The following PRR12 variants were observed in gnomAD, a reference collection of about 807,000 sequenced individuals.
PRR12 encodes proline-rich protein 12.
Under a neutral mutation model 138.0 loss-of-function variants are expected in PRR12, and 12 were observed. That is an observed-to-expected ratio of 0.09 (90% confidence interval 0.06 to 0.14). PRR12 has a LOEUF of 0.14. PRR12 is among the 10% of genes least tolerant of loss of function. The pLI, the probability that PRR12 is intolerant of heterozygous loss-of-function variation, is 1.00. For missense variants in PRR12, 2,692 were observed against 2,861.3 expected (o/e 0.94, Z 1.35); for synonymous variants, 1,567 against 1,291.7 (o/e 1.21, Z -4.57).
chr19:49,625,420 C>T lies in PRR12; in HGVS notation c.5965-41C>T, dbSNP rs199950782. 353 of 1,550,182 alleles carry T rather than the reference C, an allele frequency of 2.3e-4. No homozygotes were observed. Among genetic ancestry groups the T allele is most frequent in the Non-Finnish European group, 2.7e-4 (306 of 1,151,666 alleles). ...CCCAGCCCCTTCCCTCCCCAGAGGC[C>T]GGTGTGCCACCCTCCCCAGTGCCAT... is the stretch of plus-strand genomic sequence containing the variant. On this transcript the variant is annotated intron_variant, in intron 13 of 13. Transcript: ENST00000418929. The surrounding 1 kb of genome is among the most constrained non-coding windows in gnomAD (Gnocchi z 5.5).
chr19:49,604,877 G>C (rs896314748), intron 6 of PRR12, among the ~76,000 whole-genome samples: 3 of 152,026 alleles, frequency 2.0e-5, no homozygotes, highest in Non-Finnish European at 4.4e-5. Context: ...TTCTGAGACA[G>C]GGTCTCCCTT....
chr19:49,624,767 A>G (rs2080945818), intron 11 of PRR12, 77 bp from the exon 12 acceptor site: 1 of 1,552,504 alleles, frequency 6.4e-7, no homozygotes, highest in African/African-American at 1.4e-5. Context: ...ACTGAGGCAC[A>G]GATCTGAGAC....
Position 49,599,409 on chromosome 19 carries a change from G to A in PRR12, c.3816G>A (p.Glu1272=), listed in dbSNP as rs924464920. 15 of 1,611,226 alleles carry A rather than the reference G, an allele frequency of 9.3e-6. No homozygotes were observed. Among genetic ancestry groups the A allele is most frequent in the African/African-American group, 2.7e-5 (2 of 74,896 alleles). The part of the protein sequence containing the change: ...KIEAKIKEVE[E]KQPEMKSGFM... ...AGGCCAAGATTAAGGAGGTGGAGGA[G>A]AAGCAGCCGGAGATGAAGTCGGGTT... Residue 1272 remains glutamate (E), a synonymous_variant, in exon 5 of 14, where the codon GAG becomes GAA. Transcript: ENST00000418929. The surrounding 1 kb of genome is among the most constrained non-coding windows in gnomAD (Gnocchi z 5.0).
At chr19:49,611,695 G>A (rs1164925257) in intron 6 of PRR12, among the ~76,000 whole-genome samples, 2 of 149,574 alleles carry the variant, frequency 1.3e-5, no homozygotes, top group Non-Finnish European at 3.0e-5. Context: ...AGGCAGAGGC[G>A]GGCGGATCAT....
Position 49,596,000 on chromosome 19 carries a change from C to A in PRR12, c.1665C>A (p.Gly555=). The A allele has an allele frequency of 6.2e-7, 1 of 1,600,884 alleles. No individual in the cohort carries two copies. Among genetic ancestry groups the A allele is most frequent in the Non-Finnish European group, 8.5e-7 (1 of 1,179,684 alleles). Residue 555 remains glycine, a synonymous_variant, in exon 4 of 14, where the codon GGC becomes GGA. Transcript: ENST00000418929. ...GGGWGPSSLG[G]GGEASPSHII... ...GCTGGGGACCCAGCTCCCTGGGAGGCGGCGGTGAGGCCAGCCCATCTCACA... is the reference window on the plus strand; with the variant it reads ...GCTGGGGACCCAGCTCCCTGGGAGGAGGCGGTGAGGCCAGCCCATCTCACA...
At chr19:49,619,956 A>C (rs1482996300) in intron 9 of PRR12, among the ~76,000 whole-genome samples, 1 of 145,688 alleles carries the variant, frequency 6.9e-6, no homozygotes, top group African/African-American at 2.6e-5. Flanking sequence ...CCTGGGTTCA[A>C]GCCGTCCTAC....
Position 49,601,563 on chromosome 19 carries a change from C to A in PRR12, c.4418C>A (p.Pro1473Gln). ...PAPTPQPQPPPPPPPPQPALP... is the reference protein window; with the variant it reads ...PAPTPQPQPPQPPPPPQPALP... ...CCGACTCCTCAGCCTCAGCCTCCGC[C>A]ACCCCCTCCGCCGCCACAGCCAGCC... The change falls in exon 6 of 14, where the codon CCA (proline) becomes CAA (glutamine). Residue 1473 changes from proline to glutamine, a missense_variant. This residue lies in a region of PRR12 where 231 missense variants were observed against 200.8 expected (regional missense o/e 1.15). Coordinates refer to ENST00000418929, the MANE Select transcript of PRR12 (RefSeq NM_020719.3). 1.3e-6 allele frequency: 2 copies of A among 1,540,808 alleles called. No individual in the cohort carries two copies. The highest frequency in any genetic ancestry group is 1.9e-4 in the Middle Eastern group (1 of 5,354).
At position 49,594,863 on chromosome 19, in the gene PRR12, C is replaced by G. The variant is rs775776064; in HGVS notation, c.528C>G (p.Ser176Arg). The G allele has an allele frequency of 6.2e-7, 1 of 1,611,412 alleles. No individual in the cohort carries two copies. Among genetic ancestry groups the G allele is most frequent in the Non-Finnish European group, 8.5e-7 (1 of 1,179,162 alleles). The change falls in exon 4 of 14, where the codon AGC (serine) becomes AGG (arginine). Residue 176 changes from serine (S) to arginine (R), a missense_variant. Physicochemically the swap from Ser to Arg is moderately radical, Grantham distance 110 (BLOSUM62 -1). Coordinates refer to ENST00000418929, the MANE Select transcript of PRR12 (RefSeq NM_020719.3). The surrounding 1 kb of genome is among the most constrained non-coding windows in gnomAD (Gnocchi z 5.6). ...TCAGCCTCCAGGACCCCCCATTCAG[C>G]CCTCCAGCTAACGGGCTCCTGTCCC... ...SSLSLQDPPF[S>R]PPANGLLSPH...
At position 49,591,540 on chromosome 19, in the gene PRR12, A is replaced by G; in HGVS notation, c.-115A>G. The G allele has an allele frequency of 2.2e-6, 1 of 456,282 alleles. No homozygotes were observed. The highest frequency in any genetic ancestry group is 3.5e-5 in the South Asian group (1 of 28,438). 28.3% of individuals were successfully genotyped at this position (456,282 alleles called of 1,614,324 possible). A position where few individuals can be genotyped will look rare whatever the true frequency, so the allele number is the denominator to read the frequency against. On this transcript the variant is annotated 5_prime_UTR_variant, in exon 1 of 14. Transcript: ENST00000418929. ...GCTGCAAAGAAAAAAAGAGAGAGAG[A>G]AAAGGGGGGAAAAAAAAGCAGCAGC...
intron 11 of PRR12, among the ~76,000 whole-genome samples, chr19:49,624,398 A>G (rs566933005): frequency 5.4e-4 from 54 of 100,746 alleles, no homozygotes; most frequent in Middle Eastern, 7.6e-3. Context: ...TCTGGGATAG[A>G]TAGTTAGGAT....
At chr19:49,607,882 G>T (rs559366708) in intron 6 of PRR12, among the ~76,000 whole-genome samples, 18 of 151,612 alleles carry the variant, frequency 1.2e-4, no homozygotes, top group Middle Eastern at 3.5e-3. Flanking sequence ...AGCCGGGCGT[G>T]GGGGTGGGCA....
chr19:49,599,579 C>G lies in PRR12; in HGVS notation c.3986C>G (p.Thr1329Ser), dbSNP rs1350386122. Residue 1329 changes from threonine to serine, a missense_variant, in exon 5 of 14, where the codon ACC becomes AGC. This residue lies in a region of PRR12 where 326 missense variants were observed against 344.2 expected (regional missense o/e 0.95). Transcript: ENST00000418929. This position sits in a 1 kb window ranked among gnomAD's most constrained non-coding sequence, Gnocchi z 5.0. ...GGCCTGCAGCCCCAGCCCCCTGCCA[C>G]CCCTGCTGTGCCACATCCCCCACCT... ...ARGLQPQPPA[T>S]PAVPHPPPSG... 6.3e-7 allele frequency: 1 copy of G among 1,595,566 alleles called. No individual in the cohort carries two copies. Among genetic ancestry groups the G allele is most frequent in the East Asian group, 2.3e-5 (1 of 44,158 alleles).
At position 49,625,321 on chromosome 19, in the gene PRR12, T is replaced by A; in HGVS notation, c.5964+121T>A. On this transcript the variant is annotated intron_variant, in intron 13 of 13. Coordinates refer to ENST00000418929, the MANE Select transcript of PRR12 (RefSeq NM_020719.3). This position sits in a 1 kb window ranked among gnomAD's most constrained non-coding sequence, Gnocchi z 5.5. ...AGACCCAAGAGTTCAGGTCCTTCTG[T>A]CTTGGACTTAAGAATGCAGCCCCCA... 6.2e-6 allele frequency: 9 copies of A among 1,447,018 alleles called. No individual in the cohort carries two copies. In the Admixed American group the frequency reaches 1.4e-4, roughly 22 times the overall value. The allele number at this position is 1,447,018 out of a possible 1,614,324, so 89.6% of individuals were successfully genotyped here. A position where few individuals can be genotyped will look rare whatever the true frequency, so the allele number is the denominator to read the frequency against.
Position 49,596,110 on chromosome 19 carries a change from C to T in PRR12, c.1775C>T (p.Ser592Leu), listed in dbSNP as rs1268459721. Residue 592 changes from serine (S) to leucine (L), a missense_variant, in exon 4 of 14, where the codon TCA becomes TTA. Coordinates refer to ENST00000418929, the MANE Select transcript of PRR12 (RefSeq NM_020719.3). This position sits in a 1 kb window ranked among gnomAD's most constrained non-coding sequence, Gnocchi z 5.6. ...GGAGCCCCTGGCAAATACCTGAGCT[C>T]AGTCTTGGCCTCAGCGCCTTTCCTG... ...SPGAPGKYLS[S>L]VLASAPFLAP... The T allele has an allele frequency of 6.2e-7, 1 of 1,603,372 alleles. No individual in the cohort carries two copies. Among genetic ancestry groups the T allele is most frequent in the Non-Finnish European group, 8.5e-7 (1 of 1,179,768 alleles).
rs557687980 is a variant in PRR12 at position 49,612,207 on chromosome 19, C to T, written c.4774-2326C>T. Among the ~76,000 whole-genome samples the T allele has an allele frequency of 1.7e-4, 24 of 140,646 alleles. No individual in the cohort carries two copies. The East Asian group carries it at 3.3e-3, about 19-fold the overall frequency. The allele number at this position is 140,646 out of a possible 152,430, so 92.3% of individuals were successfully genotyped here. ...ATTGCGCCACTGCACTCCAGCCTGG[C>T]GACAGAGCAAGACTCTGTCTCAAAA... On this transcript the variant is annotated intron_variant, in intron 6 of 13. Transcript: ENST00000418929.
Position 49,601,572 on chromosome 19 carries a change from C to G in PRR12, c.4427C>G (p.Pro1476Arg). The G allele has an allele frequency of 6.5e-7, 1 of 1,541,830 alleles. No homozygotes were observed. The highest frequency in any genetic ancestry group is 8.8e-7 in the Non-Finnish European group (1 of 1,141,026). ...CAGCCTCAGCCTCCGCCACCCCCTC[C>G]GCCGCCACAGCCAGCCCTGCCCTCG... ...TPQPQPPPPPPPPQPALPSPP... is the reference protein window; with the variant it reads ...TPQPQPPPPPRPPQPALPSPP... Residue 1476 changes from proline to arginine, a missense_variant, in exon 6 of 14, where the codon CCG becomes CGG. Pro to Arg is a moderately radical substitution (Grantham distance 103, BLOSUM62 -2). Coordinates refer to ENST00000418929, the MANE Select transcript of PRR12 (RefSeq NM_020719.3).
Position 49,614,590 on chromosome 19 carries a change from C to T in PRR12, c.4831C>T (p.Leu1611=). 1 of 1,564,352 alleles carries T rather than the reference C, an allele frequency of 6.4e-7. No homozygotes were observed. Among genetic ancestry groups the T allele is most frequent in the South Asian group, 1.2e-5 (1 of 84,834 alleles). ...CATCTGGCGAGTCCAGAAGGCCCTTCTGCAGAAATTCACTCCGGAGATCAA... is the reference window on the plus strand; with the variant it reads ...CATCTGGCGAGTCCAGAAGGCCCTTTTGCAGAAATTCACTCCGGAGATCAA... ...PPIWRVQKAL[L]QKFTPEIKDG... Residue 1611 remains leucine (L), a synonymous_variant, in exon 7 of 14, where the codon CTG becomes TTG. Coordinates refer to ENST00000418929, the MANE Select transcript of PRR12 (RefSeq NM_020719.3). This position sits in a 1 kb window ranked among gnomAD's most constrained non-coding sequence, Gnocchi z 5.0.
rs201085398 is a variant in PRR12, at chr19:49,601,568, C to G, written c.4423C>G (p.Pro1475Ala). Residue 1475 changes from proline (P) to alanine (A), a missense_variant, in exon 6 of 14, where the codon CCT (proline) becomes GCT (alanine). Pro to Ala is a conservative substitution (Grantham distance 27). Around this residue, in one of 11 missense-constraint regions of PRR12, gnomAD observed 231 missense variants for 200.8 expected, o/e 1.15. Coordinates refer to ENST00000418929, the MANE Select transcript of PRR12 (RefSeq NM_020719.3). ...PTPQPQPPPP[P>A]PPPQPALPSP... The stretch of plus-strand genomic sequence containing the variant: ...TCCTCAGCCTCAGCCTCCGCCACCC[C>G]CTCCGCCGCCACAGCCAGCCCTGCC... 1.3e-6 allele frequency: 2 copies of G among 1,541,602 alleles called. No individual in the cohort carries two copies. Among genetic ancestry groups the G allele is most frequent in the South Asian group, 1.2e-5 (1 of 83,862 alleles).
Position 49,596,596 on chromosome 19 carries a change from A to T in PRR12, c.2261A>T (p.Lys754Met). 1 of 1,595,260 alleles carries T rather than the reference A, an allele frequency of 6.3e-7. No individual in the cohort carries two copies. The highest frequency in any genetic ancestry group is 8.5e-7 in the Non-Finnish European group (1 of 1,171,506). ...TSVVHYGAGA[K>M]ELGAFLQKSP... ...GTTGTCCACTACGGGGCAGGCGCCA[A>T]GGAGCTGGGGGCCTTCTTGCAAAAG... Residue 754 changes from lysine (K) to methionine (M), a missense_variant, in exon 4 of 14, where the codon AAG (lysine) becomes ATG (methionine). By Grantham distance (95) the Lys-to-Met change is moderately conservative (BLOSUM62 -1). Around this residue, in one of 11 missense-constraint regions of PRR12, gnomAD observed 840 missense variants for 689.8 expected, o/e 1.22. Coordinates refer to ENST00000418929, the MANE Select transcript of PRR12 (RefSeq NM_020719.3). The surrounding 1 kb of genome is among the most constrained non-coding windows in gnomAD (Gnocchi z 5.6).
Sources: gnomAD v4.1 joint callset for allele counts (sites outside exome capture counted in the v4.1 genomes callset) on GRCh38, gnomAD v4.1.1 for gene constraint, gnomAD v4.1.1 regional missense constraint, Gnocchi (gnomAD v3.1) non-coding constraint, MANE v1.5 for transcripts, NCBI Gene and HGNC (gene_info 2026-07-23, HGNC 2026-07-21) for gene names.